Variants in FAM222B observed in about 807,000 individuals in gnomAD.
The protein encoded by FAM222B is family with sequence similarity 222 member B, also known as protein FAM222B.
FAM222B carries 12 observed loss-of-function variants against 38.0 expected under a neutral mutation model. The observed-to-expected ratio is 0.32, with a 90% CI of 0.20 to 0.51. The LOEUF is 0.51. Among genes scored for constraint, FAM222B ranks in the 20% least tolerant of loss-of-function variants. The probability of loss-of-function intolerance (pLI) is 0.97; values close to 1 mark genes in which losing one functional copy is unlikely to be tolerated. For synonymous variants in FAM222B, 329 were observed against 317.2 expected (o/e 1.04, Z -0.40); for missense variants, 716 against 754.2 (o/e 0.95, Z 0.59).
At chr17:28,847,370 G>A (rs996567337), upstream of FAM222B, among the ~76,000 whole-genome samples, 4 of 150,762 alleles carry the variant, frequency 2.7e-5, no homozygotes, top group Admixed American at 6.6e-5. Context: ...TGAGGCAGGC[G>A]GATCACGAGG....
At position 28,812,621 on chromosome 17, in the gene FAM222B, G is replaced by A. The variant is rs117773123; in HGVS notation, c.-41+30061C>T. 1.9e-3 allele frequency among the ~76,000 whole-genome samples: 287 copies of A among 152,264 alleles called. No individual in the cohort carries two copies. The East Asian group carries it at 0.032, about 17-fold the overall frequency. On this transcript the variant is annotated intron_variant, in intron 1 of 2. Coordinates refer to ENST00000581407, the MANE Select transcript of FAM222B (RefSeq NM_001077498.3). ...CACCGGGATAGGCCCGCTACCCGCG[G>A]ACCCGGCCCGACTCGGCTCCTCTTT...
In FAM222B at chr17:28,835,085, G is replaced by A. The variant is rs549460443; in HGVS notation, c.-41+7597C>T. Reference sequence around the variant, plus strand: ...GTGTGTGATGGAGTCACGCTCTATCGCCCAGGCTAGAGTGCAGTGGCGTGA... The same window carrying A: ...GTGTGTGATGGAGTCACGCTCTATCACCCAGGCTAGAGTGCAGTGGCGTGA... On this transcript the variant is annotated intron_variant, in intron 1 of 2. Transcript: ENST00000581407. 2.6e-4 allele frequency among the ~76,000 whole-genome samples: 38 copies of A among 147,670 alleles called. No individual in the cohort carries two copies. In the East Asian group the frequency reaches 3.4e-3, roughly 13 times the overall value.
At chr17:28,822,833 ATATATATATATATATATAT>A (rs1345762902) in intron 1 of FAM222B, among the ~76,000 whole-genome samples, 7 of 40,976 alleles carry the variant, frequency 1.7e-4, no homozygotes, top group African/African-American at 9.8e-4. Flanking sequence ...AAAAAAAAAA[ATATATATATATATATATAT>A]ATATATATAT....
chr17:28,782,603 G>A (rs1010925623), intron 1 of FAM222B, among the ~76,000 whole-genome samples: 3 of 152,104 alleles, frequency 2.0e-5, no homozygotes, highest in African/African-American at 4.8e-5. Flanking sequence ...TGAATGCTGG[G>A]TATGTAAATA....
At chr17:28,804,415 AC>A (rs1212826913) in intron 1 of FAM222B, among the ~76,000 whole-genome samples, 2 of 151,480 alleles carry the variant, frequency 1.3e-5, no homozygotes, top group Non-Finnish European at 2.9e-5. Context: ...GCTCACCGCA[AC>A]CTCCACCTCT....
chr17:28,815,213 TC>T (rs1261715349), intron 1 of FAM222B, among the ~76,000 whole-genome samples: 1 of 139,668 alleles, frequency 7.2e-6, no homozygotes, highest in Non-Finnish European at 1.5e-5. Flanking sequence ...ATTTATTACA[TC>T]TTTTTTTTTT....
At chr17:28,817,029 T>C (rs1418612275) in intron 1 of FAM222B, among the ~76,000 whole-genome samples, 1 of 152,114 alleles carries the variant, frequency 6.6e-6, no homozygotes, top group Non-Finnish European at 1.5e-5. Context: ...TGAAATTCTA[T>C]TAGACCCCAG....
chr17:28,791,816 C>T (rs373572988), intron 1 of FAM222B, among the ~76,000 whole-genome samples: 8 of 151,434 alleles, frequency 5.3e-5, no homozygotes, highest in African/African-American at 9.7e-5. Flanking sequence ...CGTGTCACCA[C>T]GCCCAGCTAA....
chr17:28,790,792 A>C (rs1468983293), intron 1 of FAM222B, among the ~76,000 whole-genome samples: 3 of 151,704 alleles, frequency 2.0e-5, no homozygotes, highest in African/African-American at 7.3e-5. Flanking sequence ...AGGATGATGG[A>C]ACATCAGGTC....
upstream of FAM222B, among the ~76,000 whole-genome samples, chr17:28,843,719 A>T (rs2039115520): frequency 6.6e-6 from 1 of 152,010 alleles, no homozygotes; most frequent in Admixed American, 6.6e-5. Context: ...AAGTGCTGGG[A>T]TTACAGGCCT....
intron 1 of FAM222B, among the ~76,000 whole-genome samples, chr17:28,788,586 A>C (rs971366417): frequency 2.4e-4 from 37 of 152,272 alleles, no homozygotes; most frequent in African/African-American, 8.7e-4. Context: ...AACCTGTCAA[A>C]TATGCATCTT....
chr17:28,772,714 G>T (rs943976271), intron 1 of FAM222B, among the ~76,000 whole-genome samples: 1 of 152,046 alleles, frequency 6.6e-6, no homozygotes, highest in African/African-American at 2.4e-5. Flanking sequence ...GGCCAATATG[G>T]TGAAACCCCA....
intron 1 of FAM222B, among the ~76,000 whole-genome samples, chr17:28,822,588 T>C (rs2038265723): frequency 6.7e-6 from 1 of 149,752 alleles, no homozygotes; most frequent in African/African-American, 2.4e-5. Context: ...ATTGCACCAT[T>C]GCACTCCAGC....
At chr17:28,794,812 G>A in intron 1 of FAM222B, among the ~76,000 whole-genome samples, 1 of 151,996 alleles carries the variant, frequency 6.6e-6, no homozygotes, top group Non-Finnish European at 1.5e-5. Context: ...TAACATACTA[G>A]CTGGGCATGG....
At chr17:28,762,723 G>A (rs561980521) in intron 2 of FAM222B, among the ~76,000 whole-genome samples, 1 of 151,118 alleles carries the variant, frequency 6.6e-6, no homozygotes, top group South Asian at 2.1e-4. Flanking sequence ...TGGATCACGA[G>A]GTCAGGAGTT....
chr17:28,821,408 C>G (rs1478561118), intron 1 of FAM222B, among the ~76,000 whole-genome samples: 4 of 152,172 alleles, frequency 2.6e-5, no homozygotes, highest in Non-Finnish European at 4.4e-5. Context: ...TTATATCACA[C>G]TTTAACTTGC....
intron 1 of FAM222B, among the ~76,000 whole-genome samples, chr17:28,808,831 C>G (rs1159555040): frequency 6.6e-6 from 1 of 152,220 alleles, no homozygotes; most frequent in Non-Finnish European, 1.5e-5. Flanking sequence ...TCTCCTGTGC[C>G]TCTAATATTT....
At chr17:28,776,677 A>T (rs966307899) in intron 1 of FAM222B, among the ~76,000 whole-genome samples, 1 of 151,734 alleles carries the variant, frequency 6.6e-6, no homozygotes, top group African/African-American at 2.4e-5. Flanking sequence ...GCTGCTGCTG[A>T]ACTCCTGCTG....
intron 1 of FAM222B, among the ~76,000 whole-genome samples, chr17:28,817,307 G>C (rs901855209): frequency 2.0e-5 from 3 of 151,832 alleles, no homozygotes; most frequent in Non-Finnish European, 2.9e-5. Flanking sequence ...CAGATACTCA[G>C]GAGGATGAGA....
Sources: allele counts gnomAD v4.1 joint callset (sites outside exome capture counted in the v4.1 genomes callset), GRCh38; gene constraint gnomAD v4.1.1; transcripts MANE v1.5; gene names NCBI Gene and HGNC (gene_info 2026-07-23, HGNC 2026-07-21).